CACNA1C: variants seen among roughly 807,000 people sequenced by gnomAD.
CACNA1C encodes the protein calcium voltage-gated channel subunit alpha1 C.
In CACNA1C, 30 loss-of-function variants were observed where a neutral mutation model predicts 229.0. The ratio of observed to expected loss-of-function variants is 0.13; its 90% CI spans 0.10 to 0.18. The LOEUF (loss-of-function observed/expected upper bound fraction) is 0.18, where lower values mean the gene tolerates loss of function less well. Ranked by LOEUF, CACNA1C falls within the 10% of genes least tolerant of loss-of-function variation. The probability of loss-of-function intolerance (pLI) is 1.00; values close to 1 mark genes in which losing one functional copy is unlikely to be tolerated. For missense variants in CACNA1C, 1,658 were observed against 2,845.0 expected, an observed-to-expected ratio of 0.58 and a Z score of 9.49; for synonymous variants, 1,114 against 1,132.5, an observed-to-expected ratio of 0.98 and a Z score of 0.33.
intron 3 of CACNA1C, among the ~76,000 whole-genome samples, chr12:2,159,003 A>G (rs760127720): frequency 6.6e-6 from 1 of 152,176 alleles, no homozygotes; most frequent in Non-Finnish European, 1.5e-5. Context: ...CTTACCTTCT[A>G]TGATGAGGAA....
intron 3 of CACNA1C, among the ~76,000 whole-genome samples, chr12:2,214,204 C>T (rs1336229174): frequency 6.6e-6 from 1 of 152,210 alleles, no homozygotes; most frequent in Non-Finnish European, 1.5e-5. Flanking sequence ...TAAAGCAGCG[C>T]ATATCTGAAA....
At position 2,294,902 on chromosome 12, in the gene CACNA1C, C is replaced by T. The variant is rs147245004; in HGVS notation, c.478-154074C>T. On this transcript the variant is annotated intron_variant, in intron 3 of 46. Coordinates refer to ENST00000399655, the MANE Select transcript of CACNA1C (RefSeq NM_000719.7). Reference sequence around the variant, plus strand: ...TGGTGCTCAGTGAGTCACATCTGCTCCAGTTGTGTAATCTCCGTGGTCAGT... The same window carrying T: ...TGGTGCTCAGTGAGTCACATCTGCTTCAGTTGTGTAATCTCCGTGGTCAGT... 1.3e-5 allele frequency among the ~76,000 whole-genome samples: 2 copies of T among 152,236 alleles called. 1 individual carries two copies. The highest frequency in any genetic ancestry group is 4.8e-5 in the African/African-American group (2 of 41,534).
intron 3 of CACNA1C, 49 bp from the exon 4 acceptor site, chr12:2,448,927 C>A: frequency 1.3e-6 from 2 of 1,526,426 alleles, no homozygotes; most frequent in South Asian, 1.2e-5. Context: ...CTTTCCAAAT[C>A]CCCAAACCAA....
intron 3 of CACNA1C, among the ~76,000 whole-genome samples, chr12:2,332,891 A>T (rs909920127): frequency 2.0e-5 from 3 of 152,216 alleles, no homozygotes; most frequent in African/African-American, 7.2e-5. Flanking sequence ...ACTTTTTAAT[A>T]TTTTTTTAGT....
intron 4 of CACNA1C, among the ~76,000 whole-genome samples, chr12:2,450,334 C>T (rs1034048685): frequency 1.3e-5 from 2 of 151,986 alleles, no homozygotes; most frequent in Non-Finnish European, 1.5e-5. Flanking sequence ...GCGGGCGGAT[C>T]ACGAGGTCAG....
At chr12:2,153,665 C>T (rs192186197) in intron 3 of CACNA1C, among the ~76,000 whole-genome samples, 13 of 152,288 alleles carry the variant, frequency 8.5e-5, no homozygotes, top group African/African-American at 2.9e-4. Flanking sequence ...TTGACAGGGA[C>T]CATGAGGCCT....
At chr12:2,184,704 C>A (rs1362151101) in intron 3 of CACNA1C, among the ~76,000 whole-genome samples, 1 of 152,184 alleles carries the variant, frequency 6.6e-6, no homozygotes, top group Non-Finnish European at 1.5e-5. Flanking sequence ...GAGTGAGAAG[C>A]AAGGCTAAGT....
chr12:2,155,987 G>A (rs975102680), intron 3 of CACNA1C, among the ~76,000 whole-genome samples: 1 of 151,880 alleles, frequency 6.6e-6, no homozygotes, highest in African/African-American at 2.4e-5. Context: ...AAAGAGTAAA[G>A]ACGCAAATAA....
intron 16 of CACNA1C, 86 bp downstream of exon 16, chr12:2,584,703 T>A: frequency 3.3e-6 from 3 of 896,490 alleles, no homozygotes; most frequent in African/African-American, 1.7e-5. Flanking sequence ...GAGGCTTGAC[T>A]GCTAGCCTCT....
rs780196398 is a variant in CACNA1C, at chr12:2,585,793, G to A, written c.2461-42G>A. 17 of 1,421,746 alleles carry A rather than the reference G, an allele frequency of 1.2e-5. No individual in the cohort carries two copies. The highest frequency in any genetic ancestry group is 4.3e-5 in the African/African-American group (3 of 69,458). 88.1% of individuals were successfully genotyped at this position (1,421,746 alleles called of 1,614,324 possible). A position where few individuals can be genotyped will look rare whatever the true frequency, so the allele number is the denominator to read the frequency against. On this transcript the variant is annotated intron_variant, in intron 17 of 46. Transcript: ENST00000399655. This position sits in a 1 kb window ranked among gnomAD's most constrained non-coding sequence, Gnocchi z 4.1. ...ACTGCAAGCCTCTTAACTTGGGGAC[G>A]TATCTAACTATTCTTCCCCCTTCTC...
chr12:1,984,051 GTTTTC>G (rs1051141616), intron 1 of CACNA1C, among the ~76,000 whole-genome samples: 1 of 151,862 alleles, frequency 6.6e-6, no homozygotes, highest in East Asian at 1.9e-4. Flanking sequence ...AGACACCCCA[GTTTTC>G]TTTTCATTAG....
chr12:2,684,358 C>T (rs769070319), intron 43 of CACNA1C, among the ~76,000 whole-genome samples: 3 of 152,064 alleles, frequency 2.0e-5, no homozygotes, highest in East Asian at 1.9e-4. Flanking sequence ...CAGTGAAACA[C>T]GGTCAATATA....
rs2059888952 is a variant in CACNA1C, at chr12:2,067,660, T to A, written c.49+14049T>A. Among the ~76,000 whole-genome samples, 1 of 152,080 alleles carries A rather than the reference T, an allele frequency of 6.6e-6. No homozygotes were observed. Among genetic ancestry groups the A allele is most frequent in the Non-Finnish European group, 1.5e-5 (1 of 68,008 alleles). On this transcript the variant is annotated intron_variant, in intron 1 of 46. Transcript: ENST00000399655. This position sits in a 1 kb window ranked among gnomAD's most constrained non-coding sequence, Gnocchi z 5.3. The stretch of plus-strand genomic sequence containing the variant: ...GGAAGGAAGCAGGGGATGGGAGGAC[T>A]GGTGGAGGTGGACGTCAGACACCAG...
chr12:2,456,639 C>T (rs1403598062), intron 4 of CACNA1C, among the ~76,000 whole-genome samples: 1 of 152,150 alleles, frequency 6.6e-6, no homozygotes, highest in Non-Finnish European at 1.5e-5. Context: ...AAGTGGGTCC[C>T]GCCCTCACTT....
At chr12:2,198,828 A>G (rs927324594) in intron 3 of CACNA1C, among the ~76,000 whole-genome samples, 2 of 151,836 alleles carry the variant, frequency 1.3e-5, no homozygotes, top group African/African-American at 4.8e-5. Flanking sequence ...ATCTTAGGTG[A>G]TTTTTTTTAA....
At chr12:2,187,421 G>A (rs1386948907) in intron 3 of CACNA1C, among the ~76,000 whole-genome samples, 1 of 152,230 alleles carries the variant, frequency 6.6e-6, no homozygotes, top group Admixed American at 6.5e-5. Context: ...AGGAACTGAG[G>A]TGGGGCGGTG....
chr12:2,031,006 T>C (rs575447378), intron 1 of CACNA1C, among the ~76,000 whole-genome samples: 13 of 148,998 alleles, frequency 8.7e-5, no homozygotes, highest in Admixed American at 8.0e-4. Context: ...TGTGTGCTGC[T>C]AGAAGGCAAG....
intron 3 of CACNA1C, among the ~76,000 whole-genome samples, chr12:2,123,760 A>AT (rs2088316967): frequency 6.6e-6 from 1 of 152,176 alleles, no homozygotes; most frequent in Admixed American, 6.5e-5. Flanking sequence ...GGAGATTGTA[A>AT]TTTGCAATGT....
intron 3 of CACNA1C, among the ~76,000 whole-genome samples, chr12:2,267,267 C>T (rs1162433232): frequency 1.3e-5 from 2 of 152,172 alleles, no homozygotes; most frequent in African/African-American, 2.4e-5. Context: ...GTTCCTTCAC[C>T]TGAACTCTCT....
Sources: allele counts gnomAD v4.1 joint callset (sites outside exome capture counted in the v4.1 genomes callset), GRCh38; gene constraint gnomAD v4.1.1; non-coding constraint Gnocchi (gnomAD v3.1); transcripts MANE v1.5; gene names NCBI Gene and HGNC (gene_info 2026-07-23, HGNC 2026-07-21).